Variants in MITF observed in about 807,000 individuals in gnomAD.
The protein encoded by MITF is microphthalmia-associated transcription factor.
In MITF, 17 loss-of-function variants were observed where a neutral mutation model predicts 60.5. The observed-to-expected ratio is 0.28, with a 90% confidence interval of 0.19 to 0.42. MITF has a LOEUF of 0.42. Among genes scored for constraint, MITF ranks in the 10% least tolerant of loss-of-function variants. The pLI is 1.00. For missense variants in MITF, 622 were observed against 683.5 expected (o/e 0.91, Z 1.00); for synonymous variants, 260 against 248.5 (o/e 1.05, Z -0.43).
intron 7 of MITF, 123 bp from the exon 8 acceptor site, chr3:69,956,332 A>C (rs1302631399): frequency 2.6e-6 from 2 of 765,674 alleles, no homozygotes; most frequent in African/African-American, 3.5e-5. Flanking sequence ...ATAGGGAAAA[A>C]GTAGGTTCAG....
chr3:69,872,727 G>A (rs529767111), intron 1 of MITF, among the ~76,000 whole-genome samples: 5 of 152,250 alleles, frequency 3.3e-5, no homozygotes, highest in African/African-American at 7.2e-5. Context: ...TAAAAAAAAT[G>A]TGGAGAATCC....
chr3:69,814,704 T>C (rs113887840), intron 1 of MITF, among the ~76,000 whole-genome samples: 3,111 of 152,134 alleles, frequency 0.02, 97 homozygotes, highest in African/African-American at 0.07. Flanking sequence ...TTTGGTATCT[T>C]TGTATACCAA....
At chr3:69,830,746 C>G (rs1461151599) in intron 1 of MITF, among the ~76,000 whole-genome samples, 1 of 152,128 alleles carries the variant, frequency 6.6e-6, no homozygotes, top group Admixed American at 6.5e-5. Context: ...ATATCTGTCT[C>G]TCCCTTTCAG....
At chr3:69,961,123 G>A (rs990464738) in intron 9 of MITF, among the ~76,000 whole-genome samples, 21 of 152,176 alleles carry the variant, frequency 1.4e-4, no homozygotes, top group African/African-American at 4.6e-4. Context: ...CGTGGCTCAC[G>A]CCTGTAATCC....
intron 2 of MITF, among the ~76,000 whole-genome samples, chr3:69,879,761 T>C (rs1575869979): frequency 6.6e-6 from 1 of 152,050 alleles, no homozygotes. Context: ...CACTCTTTAC[T>C]TTTCTTTTTA....
At chr3:69,745,877 A>G (rs1259738765) in intron 1 of MITF, among the ~76,000 whole-genome samples, 2 of 152,246 alleles carry the variant, frequency 1.3e-5, no homozygotes, top group African/African-American at 4.8e-5. Context: ...TTTAAAACTA[A>G]GCAAAAATGT....
chr3:69,850,265 T>C (rs1479357205), intron 1 of MITF, among the ~76,000 whole-genome samples: 1 of 152,230 alleles, frequency 6.6e-6, no homozygotes, highest in Non-Finnish European at 1.5e-5. Context: ...ATATAGCCTG[T>C]GGCTTAAGAA....
At chr3:69,788,874 T>C (rs1432289384) in intron 1 of MITF, among the ~76,000 whole-genome samples, 4 of 151,936 alleles carry the variant, frequency 2.6e-5, no homozygotes. Context: ...TCAAATGGGG[T>C]TGGGAAAACT....
At chr3:69,876,146 A>G (rs2064348999) in intron 1 of MITF, among the ~76,000 whole-genome samples, 1 of 152,184 alleles carries the variant, frequency 6.6e-6, no homozygotes, top group Non-Finnish European at 1.5e-5. Context: ...GACTTAGTGC[A>G]GTTGATAACT....
intron 1 of MITF, among the ~76,000 whole-genome samples, chr3:69,833,802 G>T (rs1381471833): frequency 6.6e-6 from 1 of 152,212 alleles, no homozygotes; most frequent in Non-Finnish European, 1.5e-5. Context: ...TGTTTACACT[G>T]TATATGGTTG....
chr3:69,777,709 A>T (rs2062496416), intron 1 of MITF, among the ~76,000 whole-genome samples: 1 of 152,176 alleles, frequency 6.6e-6, no homozygotes, highest in Non-Finnish European at 1.5e-5. Context: ...AAGTCAAGTT[A>T]TCCCATCAAA....
intron 1 of MITF, among the ~76,000 whole-genome samples, chr3:69,850,911 C>T (rs2063813490): frequency 1.3e-5 from 2 of 152,156 alleles, no homozygotes; most frequent in African/African-American, 4.8e-5. Flanking sequence ...TTTGCATGCT[C>T]ATGGAGCCCC....
intron 2 of MITF, among the ~76,000 whole-genome samples, chr3:69,908,590 T>C (rs1357462044): frequency 6.6e-6 from 1 of 152,242 alleles, no homozygotes; most frequent in Non-Finnish European, 1.5e-5. Context: ...ACATTGATAT[T>C]TGTGGTTTGT....
chr3:69,790,624 G>A (rs188448191), intron 1 of MITF, among the ~76,000 whole-genome samples: 1 of 152,266 alleles, frequency 6.6e-6, no homozygotes, highest in East Asian at 1.9e-4. Context: ...GTGGCCCATG[G>A]ACAATCAGTT....
intron 1 of MITF, among the ~76,000 whole-genome samples, chr3:69,783,601 T>A (rs1168888380): frequency 6.6e-6 from 1 of 152,010 alleles, no homozygotes; most frequent in Non-Finnish European, 1.5e-5. Context: ...AAGGACCTAC[T>A]TACTCTAATC....
intron 2 of MITF, among the ~76,000 whole-genome samples, chr3:69,930,679 T>A (rs2065700749): frequency 6.6e-6 from 1 of 152,240 alleles, no homozygotes; most frequent in African/African-American, 2.4e-5. Context: ...TGAGAACATA[T>A]GAAAGCCTTG....
chr3:69,845,442 C>CTTTT (rs751773040), intron 1 of MITF, among the ~76,000 whole-genome samples: 1 of 136,810 alleles, frequency 7.3e-6, no homozygotes, highest in Non-Finnish European at 1.5e-5. Context: ...TTTTTTCTTT[C>CTTTT]TTTTTTTTTT....
intron 7 of MITF, among the ~76,000 whole-genome samples, chr3:69,953,643 G>GTATATA (rs1182758048): frequency 2.3e-5 from 3 of 129,382 alleles, no homozygotes; most frequent in African/African-American, 8.9e-5. Context: ...ATATATATAT[G>GTATATA]TATGTATATA....
At chr3:69,845,405 C>G (rs1417142480) in intron 1 of MITF, among the ~76,000 whole-genome samples, 3 of 140,138 alleles carry the variant, frequency 2.1e-5, no homozygotes, top group African/African-American at 7.6e-5. Flanking sequence ...CTCTGCAATT[C>G]TTTGTTTTCT....
Sources: allele counts gnomAD v4.1 joint callset (sites outside exome capture counted in the v4.1 genomes callset), GRCh38; gene constraint gnomAD v4.1.1; transcripts MANE v1.5; gene names NCBI Gene and HGNC (gene_info 2026-07-23, HGNC 2026-07-21).